The following ROBO2 variants were observed in gnomAD, a reference collection of about 807,000 sequenced individuals.
ROBO2 encodes roundabout guidance receptor 2.
A neutral mutation model predicts 160.8 loss-of-function variants in ROBO2; 53 were observed. The observed-to-expected ratio is 0.33, with a 90% confidence interval of 0.26 to 0.41. The LOEUF (loss-of-function observed/expected upper bound fraction) is 0.41, where lower values mean the gene tolerates loss of function less well. Among genes scored for constraint, ROBO2 ranks in the 10% least tolerant of loss-of-function variants. The probability of loss-of-function intolerance (pLI) is 1.00; values close to 1 mark genes in which losing one functional copy is unlikely to be tolerated. For missense variants in ROBO2, 1,577 were observed against 1,722.4 expected, an observed-to-expected ratio of 0.92 and a Z score of 1.49; for synonymous variants, 664 against 611.7, an observed-to-expected ratio of 1.09 and a Z score of -1.26.
At chr3:77,628,746 A>G (rs1337264594) in intron 23 of ROBO2, among the ~76,000 whole-genome samples, 1 of 152,196 alleles carries the variant, frequency 6.6e-6, no homozygotes, top group Non-Finnish European at 1.5e-5. Context: ...AGAAGGAGAG[A>G]GAAAATTTCT....
At chr3:76,074,942 T>A (rs998440944) in intron 2 of ROBO2, among the ~76,000 whole-genome samples, 1 of 152,114 alleles carries the variant, frequency 6.6e-6, no homozygotes, top group African/African-American at 2.4e-5. Flanking sequence ...GAAAGAAATA[T>A]GTGACAATAG....
At chr3:77,095,719 A>G (rs2070960067) in intron 1 of ROBO2, among the ~76,000 whole-genome samples, 1 of 152,156 alleles carries the variant, frequency 6.6e-6, no homozygotes, top group South Asian at 2.1e-4. Context: ...TATGTTTCTG[A>G]TTTGCAACCT....
chr3:76,856,626 C>T (rs1429326928), intron 2 of ROBO2, among the ~76,000 whole-genome samples: 1 of 152,150 alleles, frequency 6.6e-6, no homozygotes, highest in African/African-American at 2.4e-5. Context: ...GGCAACATCC[C>T]CAGAAAACTT....
intron 2 of ROBO2, among the ~76,000 whole-genome samples, chr3:77,011,416 G>A (rs1427743246): frequency 6.6e-6 from 1 of 152,094 alleles, no homozygotes; most frequent in Non-Finnish European, 1.5e-5. Flanking sequence ...AGTATCTTCA[G>A]CTTATTACTT....
intron 2 of ROBO2, among the ~76,000 whole-genome samples, chr3:76,038,297 G>A (rs1382840828): frequency 1.3e-5 from 2 of 151,970 alleles, no homozygotes; most frequent in East Asian, 1.9e-4. Flanking sequence ...TGCATTGAGT[G>A]TATATTGCAA....
At position 76,334,210 on chromosome 3, in the gene ROBO2, G is replaced by T. The variant is rs188928164; in HGVS notation, c.109+396608G>T. Among the ~76,000 whole-genome samples the T allele has an allele frequency of 3.1e-3, 466 of 152,116 alleles. 2 individuals are homozygous for T. Among genetic ancestry groups the T allele is most frequent in the African/African-American group, 0.011 (443 of 41,464 alleles). On this transcript the variant is annotated intron_variant, in intron 2 of 26. Transcript: ENST00000487694. Reference sequence around the variant, plus strand: ...CACCCATATCATCATTATTATCATTGCCTGAAAACTATTTTACATCAGTTA... The same window carrying T: ...CACCCATATCATCATTATTATCATTTCCTGAAAACTATTTTACATCAGTTA...
intron 1 of ROBO2, among the ~76,000 whole-genome samples, chr3:77,042,676 GC>G (rs2064217176): frequency 6.6e-6 from 1 of 152,026 alleles, no homozygotes; most frequent in Admixed American, 6.6e-5. Flanking sequence ...ATTTCTGTCT[GC>G]CTTCCCTCCC....
intron 2 of ROBO2, among the ~76,000 whole-genome samples, chr3:76,622,219 GAAGGAAGGAAGGAAGGAAGAAAGAAAGA>G (rs1560251474): frequency 4.5e-4 from 10 of 22,416 alleles, no homozygotes; most frequent in African/African-American, 1.2e-3. Context: ...AGGAAGGAAG[GAAGGAAGGAAGGAAGGAAGAAAGAAAGA>G]AAGAAAGAAA....
At chr3:77,254,603 G>T (rs1470154440) in intron 2 of ROBO2, among the ~76,000 whole-genome samples, 1 of 152,030 alleles carries the variant, frequency 6.6e-6, no homozygotes, top group Non-Finnish European at 1.5e-5. Context: ...GGAGAAAATT[G>T]TTCCACTTTT....
At chr3:77,410,891 ACTCCTGGG>A (rs2076746289) in intron 2 of ROBO2, among the ~76,000 whole-genome samples, 1 of 150,926 alleles carries the variant, frequency 6.6e-6, no homozygotes, top group Non-Finnish European at 1.5e-5. Context: ...GCAGTCTTAA[ACTCCTGGG>A]CTCAAGGGAT....
At chr3:76,875,675 T>C (rs2072636121) in intron 2 of ROBO2, among the ~76,000 whole-genome samples, 1 of 152,048 alleles carries the variant, frequency 6.6e-6, no homozygotes, top group Non-Finnish European at 1.5e-5. Flanking sequence ...TATTTTTTGA[T>C]ACAGAGTCTC....
intron 2 of ROBO2, among the ~76,000 whole-genome samples, chr3:77,230,418 A>G (rs966430283): frequency 2.0e-5 from 3 of 152,296 alleles, no homozygotes; most frequent in South Asian, 4.1e-4. Context: ...AGCAACAACA[A>G]TAATATAAAC....
chr3:77,428,056 C>A (rs58329825), intron 2 of ROBO2, among the ~76,000 whole-genome samples: 1 of 151,856 alleles, frequency 6.6e-6, no homozygotes, highest in East Asian at 1.9e-4. Context: ...AAAATATATT[C>A]TGACTTACCA....
rs1173367067 is a variant in ROBO2 at position 76,685,008 on chromosome 3, G to GA, written c.110-412995dup. On this transcript the variant is annotated intron_variant, in intron 2 of 26. Coordinates refer to the ROBO2 transcript ENST00000487694. ...AAGTCTTTCCACCACCCATGGAAAG[G>GA]AAAAAAAAAAATTCCCCCACCCCCA... 2.1e-4 allele frequency among the ~76,000 whole-genome samples: 30 copies of GA among 145,598 alleles called. No homozygotes were observed. In the South Asian group the frequency reaches 2.6e-3, roughly 13 times the overall value.
At chr3:76,070,899 A>G (rs912270361) in intron 2 of ROBO2, among the ~76,000 whole-genome samples, 3 of 152,186 alleles carry the variant, frequency 2.0e-5, no homozygotes, top group African/African-American at 7.2e-5. Context: ...ATTCTTTGAG[A>G]GTCTTAATGT....
At chr3:77,105,998 G>A (rs2072744280) in intron 2 of ROBO2, among the ~76,000 whole-genome samples, 1 of 152,092 alleles carries the variant, frequency 6.6e-6, no homozygotes, top group South Asian at 2.1e-4. Context: ...ATAAAGTTAA[G>A]AAAAATAATT....
intron 2 of ROBO2, among the ~76,000 whole-genome samples, chr3:77,286,903 CGCT>C (rs2060639991): frequency 6.6e-6 from 1 of 152,108 alleles, no homozygotes; most frequent in South Asian, 2.1e-4. Flanking sequence ...TTGAGTAATA[CGCT>C]GCTAAGATGT....
intron 2 of ROBO2, among the ~76,000 whole-genome samples, chr3:77,109,722 C>G (rs2073319445): frequency 6.6e-6 from 1 of 152,166 alleles, no homozygotes; most frequent in Non-Finnish European, 1.5e-5. Flanking sequence ...TATTTTCTCT[C>G]TATTGTATTT....
At chr3:76,722,565 C>G (rs2093482710) in intron 2 of ROBO2, among the ~76,000 whole-genome samples, 1 of 152,124 alleles carries the variant, frequency 6.6e-6, no homozygotes, top group Admixed American at 6.6e-5. Flanking sequence ...GAATATACCA[C>G]TTAAATGAAA....
Sources: gnomAD v4.1 joint callset for allele counts (sites outside exome capture counted in the v4.1 genomes callset) on GRCh38, gnomAD v4.1.1 for gene constraint, MANE v1.5 for transcripts, NCBI Gene and HGNC (gene_info 2026-07-23, HGNC 2026-07-21) for gene names.